PAX5: variants seen among roughly 807,000 people sequenced by gnomAD.
The protein encoded by PAX5 is paired box 5.
In PAX5, 9 loss-of-function variants were observed where a neutral mutation model predicts 43.7. The ratio of observed to expected loss-of-function variants is 0.21; its 90% CI spans 0.12 to 0.36. The LOEUF is 0.36. PAX5 is among the 10% of genes least tolerant of loss of function. The probability of loss-of-function intolerance (pLI) is 1.00; values close to 1 mark genes in which losing one functional copy is unlikely to be tolerated. For synonymous variants in PAX5, 228 were observed against 214.3 expected, an observed-to-expected ratio of 1.06 and a Z score of -0.56; for missense variants, 383 against 532.7, an observed-to-expected ratio of 0.72 and a Z score of 2.77.
intron 1 of PAX5, among the ~76,000 whole-genome samples, chr9:37,026,944 C>T (rs923791142): frequency 8.5e-5 from 13 of 152,230 alleles, no homozygotes; most frequent in Non-Finnish European, 1.0e-4. Context: ...GCCCCCGGCC[C>T]CAGGAAGGAG....
At chr9:37,002,921 GGCCACACCTGA>G (rs1838032239) in intron 4 of PAX5, 145 bp from the exon 5 acceptor site, 1 of 980,950 alleles carries the variant, frequency 1.0e-6, no homozygotes, top group East Asian at 2.7e-5. Flanking sequence ...CTGCGGAGGC[GGCCACACCTGA>G]GCCACGAGCG....
chr9:36,878,634 G>A (rs1407644106), intron 8 of PAX5, among the ~76,000 whole-genome samples: 1 of 152,226 alleles, frequency 6.6e-6, no homozygotes, highest in Non-Finnish European at 1.5e-5. Context: ...AGAAAGGCAA[G>A]TTGAGGCCAA....
intron 6 of PAX5, among the ~76,000 whole-genome samples, chr9:36,962,275 G>T (rs1376451435): frequency 6.6e-6 from 1 of 152,222 alleles, no homozygotes; most frequent in East Asian, 1.9e-4. Context: ...AAACCAGCTA[G>T]CCAGAAAACT....
chr9:36,951,373 T>G (rs773668405), intron 6 of PAX5, among the ~76,000 whole-genome samples: 1 of 152,226 alleles, frequency 6.6e-6, no homozygotes, highest in Non-Finnish European at 1.5e-5. Context: ...TTGACATTTT[T>G]TGCTTTAAAT....
chr9:36,989,840 A>C (rs7868685), intron 5 of PAX5, among the ~76,000 whole-genome samples: 72,165 of 152,000 alleles, frequency 0.47, 17,581 homozygotes, highest in East Asian at 0.67. Context: ...CATTCGGTAC[A>C]TATTTGCTGT....
chr9:36,974,461 T>C (rs866117601), intron 5 of PAX5, among the ~76,000 whole-genome samples: 26 of 152,284 alleles, frequency 1.7e-4, no homozygotes, highest in Middle Eastern at 3.4e-3. Flanking sequence ...TGTATTCTTA[T>C]TCCACTTTAC....
intron 7 of PAX5, among the ~76,000 whole-genome samples, chr9:36,910,725 A>G (rs1305783891): frequency 6.6e-6 from 1 of 152,142 alleles, no homozygotes; most frequent in Non-Finnish European, 1.5e-5. Context: ...GCTGGAAGAG[A>G]CTTCGCCTTT....
intron 8 of PAX5, among the ~76,000 whole-genome samples, chr9:36,866,149 G>A (rs117638772): frequency 0.023 from 3,519 of 152,324 alleles, 63 homozygotes; most frequent in Non-Finnish European, 0.035. Flanking sequence ...TCTGCTCCTG[G>A]TGGCTGAAGA....
At chr9:36,917,641 C>T (rs1261074526) in intron 7 of PAX5, among the ~76,000 whole-genome samples, 2 of 152,314 alleles carry the variant, frequency 1.3e-5, no homozygotes, top group East Asian at 1.9e-4. Context: ...TCAACTTTTA[C>T]AGGATTATTT....
intron 8 of PAX5, among the ~76,000 whole-genome samples, chr9:36,867,251 C>A (rs956730846): frequency 6.6e-6 from 1 of 152,312 alleles, no homozygotes; most frequent in Non-Finnish European, 1.5e-5. Flanking sequence ...CTATGGGAAA[C>A]TGCTTCAACC....
At chr9:36,929,101 T>A (rs369433455) in intron 6 of PAX5, among the ~76,000 whole-genome samples, 3 of 152,210 alleles carry the variant, frequency 2.0e-5, no homozygotes, top group Admixed American at 2.0e-4. Context: ...CTGAACTTTT[T>A]TTCCAAACTT....
At chr9:36,913,557 T>C (rs1193803551) in intron 7 of PAX5, among the ~76,000 whole-genome samples, 1 of 152,110 alleles carries the variant, frequency 6.6e-6, no homozygotes, top group Non-Finnish European at 1.5e-5. Flanking sequence ...AGATAATTAG[T>C]CCCAATCAGG....
chr9:36,875,540 T>C (rs1825835920), intron 8 of PAX5, among the ~76,000 whole-genome samples: 2 of 150,342 alleles, frequency 1.3e-5, no homozygotes, highest in South Asian at 4.2e-4. Context: ...GCAGGCAGAA[T>C]TGTGGCCCCC....
intron 7 of PAX5, among the ~76,000 whole-genome samples, chr9:36,914,749 C>T (rs1395425388): frequency 6.6e-6 from 1 of 152,142 alleles, no homozygotes; most frequent in Non-Finnish European, 1.5e-5. Context: ...ATCCCTGCTA[C>T]AGCACCATAA....
intron 7 of PAX5, among the ~76,000 whole-genome samples, chr9:36,888,614 G>A (rs568174179): frequency 6.6e-6 from 1 of 152,330 alleles, no homozygotes; most frequent in South Asian, 2.1e-4. Flanking sequence ...CTAGGGCTGG[G>A]GCTGGGAAAT....
At chr9:36,992,816 C>T (rs990307873) in intron 5 of PAX5, among the ~76,000 whole-genome samples, 1 of 152,162 alleles carries the variant, frequency 6.6e-6, no homozygotes, top group Non-Finnish European at 1.5e-5. Flanking sequence ...TTTGCAGCAG[C>T]CTGAAGCAGA....
intron 6 of PAX5, among the ~76,000 whole-genome samples, chr9:36,959,631 T>C (rs906882380): frequency 2.6e-5 from 4 of 152,216 alleles, no homozygotes; most frequent in Non-Finnish European, 5.9e-5. Context: ...CCTAGACTTC[T>C]GTTTATGCCT....
intron 7 of PAX5, among the ~76,000 whole-genome samples, chr9:36,913,246 T>C (rs1460864588): frequency 6.6e-6 from 1 of 152,168 alleles, no homozygotes; most frequent in Non-Finnish European, 1.5e-5. Context: ...AGGGCCCAGG[T>C]CTCCTACCAG....
Position 36,952,234 on chromosome 9 carries a change from C to CTTTTTTTTTTTTTT in PAX5, c.780+14301_780+14314dup, listed in dbSNP as rs138009049. ...TTTTTAATATGCTCTGACCATCTCCCTTTTTTTTTTTTTTTTTTTTTTTGA... is the reference window on the plus strand; with the variant it reads ...TTTTTAATATGCTCTGACCATCTCCCTTTTTTTTTTTTTTTTTTTTTTTTTTTTTTTTTTTTTGA... On this transcript the variant is annotated intron_variant, in intron 6 of 9. Coordinates refer to ENST00000358127, the MANE Select transcript of PAX5 (RefSeq NM_016734.3). Among the ~76,000 whole-genome samples the CTTTTTTTTTTTTTT allele has an allele frequency of 1.4e-4, 9 of 66,626 alleles. 1 individual carries two copies. The highest frequency in any genetic ancestry group is 5.0e-4 in the East Asian group (1 of 2,016). 43.7% of individuals were successfully genotyped at this position (66,626 alleles called of 152,430 possible).
Sources: gnomAD v4.1 joint callset for allele counts (sites outside exome capture counted in the v4.1 genomes callset) on GRCh38, gnomAD v4.1.1 for gene constraint, MANE v1.5 for transcripts, NCBI Gene and HGNC (gene_info 2026-07-23, HGNC 2026-07-21) for gene names.